The following GLIS3 variants were observed in gnomAD, a reference collection of about 807,000 sequenced individuals.
The protein encoded by GLIS3 is zinc finger protein GLIS3.
A neutral mutation model predicts 78.6 loss-of-function variants in GLIS3; 53 were observed. The observed-to-expected ratio is 0.67, with a 90% CI of 0.54 to 0.85. The LOEUF is 0.85. Ranked by LOEUF, GLIS3 falls within the 40% of genes least tolerant of loss-of-function variation. GLIS3 has a pLI of 0.00. For missense variants in GLIS3, 1,703 were observed against 1,231.1 expected (o/e 1.38, Z -5.74); for synonymous variants, 684 against 509.9 (o/e 1.34, Z -4.60).
the GLIS3 span, among the ~76,000 whole-genome samples, chr9:4,473,460 C>CAAAAAAAAAAAAAAAAAAAAAAA: frequency 1.6e-4 from 21 of 131,260 alleles, no homozygotes; most frequent in Non-Finnish European, 2.3e-4. Context: ...ACAACAACAA[C>CAAAAAAAAAAAAAAAAAAAAAAA]AAAAAAAAAG....
the GLIS3 span, among the ~76,000 whole-genome samples, chr9:4,388,526 A>T: frequency 6.6e-6 from 1 of 151,806 alleles, no homozygotes; most frequent in South Asian, 2.1e-4. Flanking sequence ...AAATACAAAA[A>T]TTAGCCAGGC....
chr9:4,484,909 A>G, the GLIS3 span, among the ~76,000 whole-genome samples: 2 of 151,518 alleles, frequency 1.3e-5, no homozygotes, highest in Non-Finnish European at 2.9e-5. Flanking sequence ...ATAACCAACC[A>G]TCGGTCCAGA....
At chr9:4,115,969 C>T (rs1229369881) in intron 4 of GLIS3, among the ~76,000 whole-genome samples, 1 of 152,110 alleles carries the variant, frequency 6.6e-6, no homozygotes, top group Non-Finnish European at 1.5e-5. Context: ...CATAAGCCTG[C>T]GAACATTAAC....
rs779696914 is a variant in GLIS3, at chr9:4,269,096, A to C, written c.388+16942T>G. Among the ~76,000 whole-genome samples, 9 of 152,228 alleles carry C rather than the reference A, an allele frequency of 5.9e-5. 1 individual carries two copies. Among genetic ancestry groups the C allele is most frequent in the Non-Finnish European group, 2.9e-5 (2 of 68,040 alleles). On this transcript the variant is annotated intron_variant, in intron 2 of 10. Coordinates refer to ENST00000381971, the MANE Select transcript of GLIS3 (RefSeq NM_001042413.2). Reference sequence around the variant, plus strand: ...TCCAAGCTTTCTCACACGACACAGAATAACTCCTTATCATTAAAATTGACA... The same window carrying C: ...TCCAAGCTTTCTCACACGACACAGACTAACTCCTTATCATTAAAATTGACA...
chr9:4,304,723 T>A (rs1301010598), upstream of GLIS3, among the ~76,000 whole-genome samples: 1 of 152,192 alleles, frequency 6.6e-6, no homozygotes, highest in Non-Finnish European at 1.5e-5. Flanking sequence ...AATTAAGCTC[T>A]GGAACAAAAG....
chr9:4,266,979 G>A (rs1826070352), intron 2 of GLIS3, among the ~76,000 whole-genome samples: 1 of 152,142 alleles, frequency 6.6e-6, no homozygotes, highest in Admixed American at 6.5e-5. Flanking sequence ...ACCCGTTTAT[G>A]GAAATACTTC....
the GLIS3 span, among the ~76,000 whole-genome samples, chr9:4,442,482 C>T: frequency 6.6e-6 from 1 of 152,086 alleles, no homozygotes; most frequent in Non-Finnish European, 1.5e-5. Flanking sequence ...TATTCCAGAA[C>T]TTGGGAGTGA....
chr9:4,420,207 G>T, the GLIS3 span, among the ~76,000 whole-genome samples: 15 of 152,158 alleles, frequency 9.9e-5, no homozygotes, highest in African/African-American at 3.6e-4. Flanking sequence ...ACTGAAGAGG[G>T]GGCCACATGG....
chr9:4,370,183 C>CAAAA, the GLIS3 span, among the ~76,000 whole-genome samples: 34 of 88,182 alleles, frequency 3.9e-4, no homozygotes, highest in South Asian at 1.3e-3. Flanking sequence ...GACTCCATCT[C>CAAAA]AAAAAAAAAA....
the GLIS3 span, among the ~76,000 whole-genome samples, chr9:4,489,023 C>G: frequency 3.9e-5 from 6 of 152,062 alleles, no homozygotes; most frequent in Admixed American, 3.9e-4. Flanking sequence ...CGTGCCACCA[C>G]GCCCGGCTAA....
intron 8 of GLIS3, chr9:3,878,674 G>A (rs910674319): frequency 4.6e-5 from 7 of 152,114 alleles, no homozygotes; most frequent in African/African-American, 1.2e-4. Flanking sequence ...GTGGAGAGAG[G>A]TGACAAGAGG....
At chr9:4,243,987 TG>T (rs1243302156) in intron 2 of GLIS3, among the ~76,000 whole-genome samples, 1 of 152,248 alleles carries the variant, frequency 6.6e-6, no homozygotes, top group Non-Finnish European at 1.5e-5. Flanking sequence ...TGAGAACATC[TG>T]GCCATTCCCT....
chr9:4,264,065 C>T (rs971506690), intron 2 of GLIS3, among the ~76,000 whole-genome samples: 42 of 152,232 alleles, frequency 2.8e-4, no homozygotes, highest in Admixed American at 2.7e-3. Flanking sequence ...ATGTACCCAA[C>T]ATCCCCACTT....
chr9:4,368,764 A>G, the GLIS3 span, among the ~76,000 whole-genome samples: 1 of 152,212 alleles, frequency 6.6e-6, no homozygotes, highest in South Asian at 2.1e-4. Context: ...AGAGGAGGAT[A>G]GTAGCATGCA....
intron 2 of GLIS3, among the ~76,000 whole-genome samples, chr9:4,253,889 G>C (rs894267250): frequency 1.3e-5 from 2 of 152,138 alleles, no homozygotes; most frequent in Admixed American, 6.5e-5. Flanking sequence ...CACTTCCCGG[G>C]TAAGGTGACG....
At chr9:3,933,359 C>T (rs2076201007) in intron 5 of GLIS3, among the ~76,000 whole-genome samples, 1 of 152,004 alleles carries the variant, frequency 6.6e-6, no homozygotes, top group South Asian at 2.1e-4. Context: ...TTTTTGTATC[C>T]TTCGTGCTTA....
chr9:4,391,914 G>T, the GLIS3 span, among the ~76,000 whole-genome samples: 1 of 152,106 alleles, frequency 6.6e-6, no homozygotes, highest in African/African-American at 2.4e-5. Context: ...ATACCCAAAG[G>T]AATATAAATC....
the GLIS3 span, among the ~76,000 whole-genome samples, chr9:4,405,288 A>T: frequency 6.6e-6 from 1 of 151,862 alleles, no homozygotes; most frequent in Non-Finnish European, 1.5e-5. Context: ...CAGGCGGCAG[A>T]GGTTGTGGGG....
chr9:4,084,251 T>C (rs985959233), intron 4 of GLIS3, among the ~76,000 whole-genome samples: 1 of 109,646 alleles, frequency 9.1e-6, no homozygotes, highest in African/African-American at 3.5e-5. Context: ...TTCCTTCCTC[T>C]CTCTAACACA....
Sources: allele counts gnomAD v4.1 joint callset (sites outside exome capture counted in the v4.1 genomes callset), GRCh38; gene constraint gnomAD v4.1.1; transcripts MANE v1.5; gene names NCBI Gene and HGNC (gene_info 2026-07-23, HGNC 2026-07-21).